SDK1: variants seen among roughly 807,000 people sequenced by gnomAD.
The protein encoded by SDK1 is sidekick cell adhesion molecule 1.
A neutral mutation model predicts 245.5 loss-of-function variants in SDK1; 157 were observed. The observed-to-expected ratio is 0.64, with a 90% confidence interval of 0.56 to 0.73. The LOEUF (loss-of-function observed/expected upper bound fraction) is 0.73, where lower values mean the gene tolerates loss of function less well. SDK1 is among the 30% of genes least tolerant of loss of function. The probability of loss-of-function intolerance (pLI) is 0.00; values close to 1 mark genes in which losing one functional copy is unlikely to be tolerated. For missense variants in SDK1, 3,583 were observed against 3,002.3 expected (o/e 1.19, Z -4.52); for synonymous variants, 1,647 against 1,278.5 (o/e 1.29, Z -6.15).
Position 3,309,370 on chromosome 7 carries a change from G to GTT in SDK1, c.298+7499_298+7500dup, listed in dbSNP as rs34437244. On this transcript the variant is annotated intron_variant, in intron 1 of 44. Coordinates refer to ENST00000404826, the MANE Select transcript of SDK1 (RefSeq NM_152744.4). ...TATAATCTGTGGTTTCCACAGCCAA[G>GTT]TTTTTTTTTTTTTTCCTTCCATGAT... is the stretch of plus-strand genomic sequence containing the variant. Among the ~76,000 whole-genome samples, 510 of 142,892 alleles carry GTT rather than the reference G, an allele frequency of 3.6e-3. 5 individuals are homozygous for GTT. The highest frequency in any genetic ancestry group is 1.0e-2 in the African/African-American group (392 of 39,304). The allele number at this position is 142,892 out of a possible 152,430, so 93.7% of individuals were successfully genotyped here. A position where few individuals can be genotyped will look rare whatever the true frequency, so the allele number is the denominator to read the frequency against.
intron 5 of SDK1, among the ~76,000 whole-genome samples, chr7:3,949,642 G>A (rs977447304): frequency 1.3e-5 from 2 of 152,108 alleles, no homozygotes; most frequent in African/African-American, 4.8e-5. Flanking sequence ...TAGAAATGTT[G>A]GATTGGTCTT....
At chr7:3,595,452 A>T (rs532687233) in intron 1 of SDK1, among the ~76,000 whole-genome samples, 1 of 152,064 alleles carries the variant, frequency 6.6e-6, no homozygotes, top group Admixed American at 6.6e-5. Context: ...TAAGAGGCAT[A>T]TTTGTATGTA....
intron 14 of SDK1, among the ~76,000 whole-genome samples, chr7:3,991,720 TAC>T (rs1317799403): frequency 6.6e-6 from 1 of 152,138 alleles, no homozygotes; most frequent in Non-Finnish European, 1.5e-5. Context: ...CTAGAGTGGG[TAC>T]CATGGTTGCC....
Position 4,051,932 on chromosome 7 carries a change from G to A in SDK1, c.2911+102G>A, listed in dbSNP as rs1027533535. 8.8e-6 allele frequency: 10 copies of A among 1,131,386 alleles called. No individual in the cohort carries two copies. The East Asian group carries it at 1.7e-4, about 20-fold the overall frequency. The allele number at this position is 1,131,386 out of a possible 1,614,324, so 70.1% of individuals were successfully genotyped here. On this transcript the variant is annotated intron_variant, in intron 19 of 44. Coordinates refer to ENST00000404826, the MANE Select transcript of SDK1 (RefSeq NM_152744.4). Reference sequence around the variant, plus strand: ...AAGGGCAGAGGTGGATCACGAGGAGGCCCCGGATTTTTGGAGTGCTTGCAG... The same window carrying A: ...AAGGGCAGAGGTGGATCACGAGGAGACCCCGGATTTTTGGAGTGCTTGCAG...
intron 22 of SDK1, among the ~76,000 whole-genome samples, chr7:4,097,809 T>G (rs777820941): frequency 6.6e-6 from 1 of 152,140 alleles, no homozygotes; most frequent in South Asian, 2.1e-4. Context: ...TGACTGTAGT[T>G]GAATTTCTTT....
At chr7:4,144,100 C>G (rs1272432466) in intron 28 of SDK1, among the ~76,000 whole-genome samples, 2 of 147,672 alleles carry the variant, frequency 1.4e-5, no homozygotes, top group Non-Finnish European at 3.0e-5. Flanking sequence ...GGCCCTCTCC[C>G]TACTCTCACT....
intron 4 of SDK1, among the ~76,000 whole-genome samples, chr7:3,726,187 A>T (rs1373505332): frequency 6.6e-6 from 1 of 152,230 alleles, no homozygotes; most frequent in Admixed American, 6.5e-5. Flanking sequence ...TAAGTAGCGG[A>T]ACCCAATTCA....
At chr7:4,030,830 G>T (rs73673254) in intron 17 of SDK1, among the ~76,000 whole-genome samples, 3 of 152,064 alleles carry the variant, frequency 2.0e-5, no homozygotes, top group Non-Finnish European at 4.4e-5. Flanking sequence ...TGTCTCCTCC[G>T]TAGGGCCTCC....
intron 1 of SDK1, among the ~76,000 whole-genome samples, chr7:3,306,575 A>G (rs1192747646): frequency 6.6e-6 from 1 of 152,220 alleles, no homozygotes; most frequent in African/African-American, 2.4e-5. Context: ...AGTTTAGGCT[A>G]TACTGGGGTT....
At chr7:4,244,833 C>T (rs1038371125) in intron 43 of SDK1, among the ~76,000 whole-genome samples, 2 of 152,230 alleles carry the variant, frequency 1.3e-5, no homozygotes, top group African/African-American at 4.8e-5. Context: ...CCAGCCTCTT[C>T]TTGGCCCTCC....
chr7:3,986,076 G>A (rs182164476), intron 13 of SDK1, among the ~76,000 whole-genome samples: 7 of 152,226 alleles, frequency 4.6e-5, no homozygotes, highest in Admixed American at 2.0e-4. Context: ...CCGGATTCAG[G>A]AGACGTGAAG....
intron 1 of SDK1, among the ~76,000 whole-genome samples, chr7:3,600,788 T>C (rs1423403293): frequency 1.3e-5 from 2 of 152,100 alleles, no homozygotes; most frequent in African/African-American, 4.8e-5. Flanking sequence ...GACCTCATGA[T>C]CCGGCCATCT....
intron 1 of SDK1, among the ~76,000 whole-genome samples, chr7:3,483,258 G>C (rs1583927241): frequency 6.6e-6 from 1 of 152,060 alleles, no homozygotes; most frequent in Non-Finnish European, 1.5e-5. Context: ...GTTTATTCAG[G>C]CTTCTTTTAT....
intron 1 of SDK1, among the ~76,000 whole-genome samples, chr7:3,612,316 A>C (rs889363056): frequency 6.6e-6 from 1 of 152,222 alleles, no homozygotes; most frequent in South Asian, 2.1e-4. Context: ...TGCATATTTA[A>C]CTAGAGTGGC....
At chr7:3,602,526 T>A (rs1036514742) in intron 1 of SDK1, among the ~76,000 whole-genome samples, 2 of 152,150 alleles carry the variant, frequency 1.3e-5, no homozygotes, top group Admixed American at 1.3e-4. Context: ...TGGGGTTGTT[T>A]GTTTTTTTCT....
intron 5 of SDK1, among the ~76,000 whole-genome samples, chr7:3,834,908 G>A (rs1248203738): frequency 2.6e-5 from 4 of 152,070 alleles, no homozygotes; most frequent in African/African-American, 7.2e-5. Flanking sequence ...GCTGCTCACC[G>A]GCTTGTTCTT....
In SDK1 at chr7:3,641,874, A is replaced by G. The variant is rs903863522; in HGVS notation, c.566-84A>G. 21 of 1,136,968 alleles carry G rather than the reference A, an allele frequency of 1.8e-5. No homozygotes were observed. In the African/African-American group the frequency reaches 2.3e-4, roughly 13 times the overall value. 70.4% of individuals were successfully genotyped at this position (1,136,968 alleles called of 1,614,324 possible). A position where few individuals can be genotyped will look rare whatever the true frequency, so the allele number is the denominator to read the frequency against. ...GTGGCAGCATCAGTGACTTTACTGT[A>G]ACACTTACCTGTTTCCATCTGTGAC... On this transcript the variant is annotated intron_variant, in intron 3 of 44. Transcript: ENST00000404826.
intron 14 of SDK1, among the ~76,000 whole-genome samples, chr7:3,999,246 G>T (rs1026752974): frequency 1.3e-5 from 2 of 151,942 alleles, no homozygotes; most frequent in African/African-American, 4.8e-5. Context: ...CATTCCCTTG[G>T]GTACAGAGCA....
chr7:4,151,502 C>T (rs1317244963), intron 30 of SDK1, among the ~76,000 whole-genome samples: 2 of 152,212 alleles, frequency 1.3e-5, no homozygotes, highest in Non-Finnish European at 2.9e-5. Flanking sequence ...TGTGGTTATG[C>T]CCCTCATGTT....
Sources: gnomAD v4.1 joint callset for allele counts (sites outside exome capture counted in the v4.1 genomes callset) on GRCh38, gnomAD v4.1.1 for gene constraint, MANE v1.5 for transcripts, NCBI Gene and HGNC (gene_info 2026-07-23, HGNC 2026-07-21) for gene names.